Variants in NRG4 observed in about 807,000 individuals in gnomAD.
NRG4 encodes pro-neuregulin-4, membrane-bound isoform.
Under a neutral mutation model 15.0 loss-of-function variants are expected in NRG4, and 10 were observed. The observed-to-expected ratio is 0.67, with a 90% confidence interval of 0.41 to 1.13. The LOEUF is 1.13. NRG4 is among the 50% of genes most tolerant of loss of function. The pLI is 0.00. For missense variants in NRG4, 139 were observed against 140.2 expected (o/e 0.99, Z 0.04); for synonymous variants, 41 against 50.1 (o/e 0.82, Z 0.77).
chr15:75,972,529 CTTGAG>C (rs1313656717), intron 3 of NRG4, among the ~76,000 whole-genome samples: 1 of 152,102 alleles, frequency 6.6e-6, no homozygotes, highest in African/African-American at 2.4e-5. Context: ...TTTAATTCAT[CTTGAG>C]TTAATTTTTG....
intron 3 of NRG4, among the ~76,000 whole-genome samples, chr15:75,976,272 G>A (rs1204869231): frequency 6.6e-6 from 1 of 152,012 alleles, no homozygotes; most frequent in African/African-American, 2.4e-5. Context: ...CCTTGTATTG[G>A]GTTAGAACAT....
chr15:75,956,062 CA>C, intron 4 of NRG4, 51 bp from the exon 5 acceptor site: 1 of 1,073,566 alleles, frequency 9.3e-7, no homozygotes, highest in Non-Finnish European at 1.4e-6. Context: ...ATAGGAAAAG[CA>C]TGTCAGAAGA....
chr15:75,949,682 ACTTT>A (rs1474266527), intron 5 of NRG4, among the ~76,000 whole-genome samples: 17 of 152,152 alleles, frequency 1.1e-4, no homozygotes, highest in Admixed American at 1.1e-3. Flanking sequence ...TGTCACAAAG[ACTTT>A]CTCTTATGTT....
chr15:76,053,715 C>A (rs1246167497), intron 2 of NRG4, among the ~76,000 whole-genome samples: 1 of 150,418 alleles, frequency 6.6e-6, no homozygotes, highest in African/African-American at 2.5e-5. Flanking sequence ...ACTACGACGC[C>A]CAGCTAAGTT....
At position 75,961,820 on chromosome 15, in the gene NRG4, T is replaced by C. The variant is rs2032534447; in HGVS notation, c.251+8A>G. On this transcript the variant is annotated splice_region_variant and intron_variant, in intron 4 of 5. Transcript: ENST00000394907. The stretch of plus-strand genomic sequence containing the variant: ...CTTTTCTCAAAAGCATGTTTCTATT[T>C]TACTTACCTGCAAAGGAAGTAGAAG... 1 of 1,601,838 alleles carries C rather than the reference T, an allele frequency of 6.2e-7. No homozygotes were observed. Among genetic ancestry groups the C allele is most frequent in the Non-Finnish European group, 8.5e-7 (1 of 1,172,952 alleles).
intron 5 of NRG4, among the ~76,000 whole-genome samples, chr15:75,952,592 G>T (rs949595495): frequency 3.5e-5 from 5 of 142,928 alleles, no homozygotes; most frequent in African/African-American, 5.1e-5. Flanking sequence ...CCTCCTCAAA[G>T]TTTTTTTTTT....
intron 5 of NRG4, among the ~76,000 whole-genome samples, chr15:76,029,353 T>C (rs2035408422): frequency 6.6e-6 from 1 of 151,916 alleles, no homozygotes; most frequent in Admixed American, 6.6e-5. Context: ...TCATACCAGA[T>C]GGACTGGAAG....
intron 3 of NRG4, among the ~76,000 whole-genome samples, chr15:75,972,999 A>T (rs2033180865): frequency 1.3e-5 from 2 of 152,156 alleles, no homozygotes; most frequent in South Asian, 4.1e-4. Context: ...CTTCCTATCC[A>T]TGAGCATGGA....
At chr15:76,015,335 C>A (rs1421302671), upstream of NRG4, among the ~76,000 whole-genome samples, 1 of 152,182 alleles carries the variant, frequency 6.6e-6, no homozygotes, top group Non-Finnish European at 1.5e-5. Flanking sequence ...ACCTTTATTT[C>A]TTTCTCTTGC....
intron 5 of NRG4, among the ~76,000 whole-genome samples, chr15:76,028,257 A>T (rs1428237406): frequency 2.0e-5 from 3 of 152,026 alleles, no homozygotes; most frequent in African/African-American, 7.2e-5. Context: ...TTGACAAATC[A>T]GTAGCTAAAC....
At chr15:76,035,427 G>C (rs992139068) in intron 5 of NRG4, among the ~76,000 whole-genome samples, 2 of 152,158 alleles carry the variant, frequency 1.3e-5, no homozygotes, top group African/African-American at 2.4e-5. Context: ...TTCAAGCTGG[G>C]CACATTGCTG....
At chr15:75,972,749 T>C (rs543076943) in intron 3 of NRG4, among the ~76,000 whole-genome samples, 5 of 152,316 alleles carry the variant, frequency 3.3e-5, no homozygotes, top group Admixed American at 1.3e-4. Flanking sequence ...TTGGTACCAG[T>C]ACCATGCTGT....
In NRG4 at chr15:76,028,755, C is replaced by T. The variant is rs192607629; in HGVS notation, c.-57+7189G>A. Among the ~76,000 whole-genome samples, 396 of 151,988 alleles carry T rather than the reference C, an allele frequency of 2.6e-3. 3 individuals are homozygous for T. Among genetic ancestry groups the T allele is most frequent in the African/African-American group, 9.3e-3 (387 of 41,460 alleles). On this transcript the variant is annotated intron_variant, in intron 5 of 8. Coordinates refer to the NRG4 transcript ENST00000563910. The stretch of plus-strand genomic sequence containing the variant: ...TCTCTATTAAAAATACACACATTAG[C>T]CAGGCACGATGGCCTGCACCTGTAA...
intron 1 of NRG4, among the ~76,000 whole-genome samples, chr15:76,058,886 G>T (rs2036221004): frequency 6.6e-6 from 1 of 152,152 alleles, no homozygotes; most frequent in Admixed American, 6.5e-5. Flanking sequence ...ACATTAATTA[G>T]AGTAGTACCC....
At chr15:75,971,193 T>C in intron 3 of NRG4, 1 of 453,314 alleles carries the variant, frequency 2.2e-6, no homozygotes. Flanking sequence ...GTTTGAATTC[T>C]CCTTTAAGCC....
intron 3 of NRG4, among the ~76,000 whole-genome samples, chr15:75,962,507 A>G (rs1228207098): frequency 1.3e-5 from 2 of 152,166 alleles, no homozygotes; most frequent in African/African-American, 4.8e-5. Flanking sequence ...GGCCTTTGCC[A>G]CACTGCTTCA....
upstream of NRG4, among the ~76,000 whole-genome samples, chr15:76,014,696 G>A (rs769215023): frequency 6.6e-6 from 1 of 152,100 alleles, no homozygotes; most frequent in Non-Finnish European, 1.5e-5. Flanking sequence ...CTGTTCCATT[G>A]GTCTATATGT....
chr15:76,056,148 T>A (rs556460908), intron 2 of NRG4, among the ~76,000 whole-genome samples: 115 of 152,060 alleles, frequency 7.6e-4, no homozygotes, highest in African/African-American at 1.7e-3. Flanking sequence ...AGGATTTTTT[T>A]AAAAAAAACG....
chr15:75,981,001 A>G (rs2033586355), intron 3 of NRG4, among the ~76,000 whole-genome samples: 1 of 152,204 alleles, frequency 6.6e-6, no homozygotes, highest in African/African-American at 2.4e-5. Context: ...GGTTCTCAGT[A>G]AAATGAAATG....
Sources: allele counts gnomAD v4.1 joint callset (sites outside exome capture counted in the v4.1 genomes callset), GRCh38; gene constraint gnomAD v4.1.1; transcripts MANE v1.5; gene names NCBI Gene and HGNC (gene_info 2026-07-23, HGNC 2026-07-21).